USP24: variants seen among roughly 807,000 people sequenced by gnomAD.
The protein encoded by USP24 is ubiquitin specific peptidase 24, also known as ubiquitin carboxyl-terminal hydrolase 24.
A neutral mutation model predicts 361.6 loss-of-function variants in USP24; 97 were observed. The ratio of observed to expected loss-of-function variants is 0.27; its 90% CI spans 0.23 to 0.32. USP24 has a LOEUF of 0.32. USP24 is among the 10% of genes least tolerant of loss of function. The pLI, the probability that USP24 is intolerant of heterozygous loss-of-function variation, is 1.00. For synonymous variants in USP24, 1,098 were observed against 1,124.6 expected (o/e 0.98, Z 0.47); for missense variants, 2,353 against 3,165.6 (o/e 0.74, Z 6.16).
chr1:55,162,134 A>G, intron 8 of USP24, 65 bp downstream of exon 8: 2 of 1,446,158 alleles, frequency 1.4e-6, no homozygotes, highest in South Asian at 2.7e-5. Context: ...AACCTGATAA[A>G]AAGAAGTTAT....
intron 43 of USP24, among the ~76,000 whole-genome samples, chr1:55,101,211 G>A (rs562911155): frequency 6.6e-6 from 1 of 152,240 alleles, no homozygotes; most frequent in Non-Finnish European, 1.5e-5. Flanking sequence ...GGAAATAAGC[G>A]TAGCCCAGTA....
intron 28 of USP24, among the ~76,000 whole-genome samples, chr1:55,135,845 A>G (rs868187347): frequency 6.6e-6 from 1 of 152,318 alleles, no homozygotes; most frequent in African/African-American, 2.4e-5. Flanking sequence ...ATAAAAGCCT[A>G]AAAAGCAGAA....
At chr1:55,162,506 G>T (rs926315299) in intron 7 of USP24, among the ~76,000 whole-genome samples, 1 of 152,130 alleles carries the variant, frequency 6.6e-6, no homozygotes, top group South Asian at 2.1e-4. Context: ...AAACATCTTT[G>T]GAGAATTAGA....
intron 39 of USP24, among the ~76,000 whole-genome samples, chr1:55,107,649 CTGGCCAGCA>C (rs1403447238): frequency 1.3e-5 from 2 of 151,830 alleles, no homozygotes; most frequent in African/African-American, 4.8e-5. Flanking sequence ...CGAGACCAGC[CTGGCCAGCA>C]TGGTGAAACC....
Position 55,093,958 on chromosome 1 carries a change from T to C in USP24, c.6333A>G (p.Lys2111=). ...TTACCTGGTATATTCGAGCAGGCAT[T>C]TTCTCCACAAACAGTCCTTTCTTCT... The part of the protein sequence containing the change: ...KGEKKGLFVE[K]MPARIYQMVR... Residue 2111 remains lysine, a synonymous_variant, in exon 52 of 68, where the codon AAA becomes AAG. Transcript: ENST00000294383. The C allele has an allele frequency of 1.2e-6, 2 of 1,613,834 alleles. No individual in the cohort carries two copies. The highest frequency in any genetic ancestry group is 1.7e-6 in the Non-Finnish European group (2 of 1,179,858).
intron 31 of USP24, among the ~76,000 whole-genome samples, chr1:55,130,625 GGGA>G (rs1646563112): frequency 6.6e-6 from 1 of 152,106 alleles, no homozygotes; most frequent in African/African-American, 2.4e-5. Flanking sequence ...CCACCAACCT[GGGA>G]TAATGAGCAT....
At chr1:55,142,953 G>C (rs916877387) in intron 22 of USP24, 26 bp downstream of exon 22, 9 of 1,480,292 alleles carry the variant, frequency 6.1e-6, no homozygotes, top group Non-Finnish European at 7.3e-6. Flanking sequence ...TTTGTATATG[G>C]ATAACTTCTT....
chr1:55,103,191 A>G (rs1645683838), intron 42 of USP24, among the ~76,000 whole-genome samples: 1 of 152,056 alleles, frequency 6.6e-6, no homozygotes, highest in Admixed American at 6.5e-5. Flanking sequence ...TATTCTTCTC[A>G]TTACTGGAAT....
At chr1:55,141,947 A>G (rs1302004763) in intron 23 of USP24, among the ~76,000 whole-genome samples, 1 of 152,186 alleles carries the variant, frequency 6.6e-6, no homozygotes, top group Non-Finnish European at 1.5e-5. Context: ...TGACCCCCAG[A>G]GGCAAAATAA....
chr1:55,119,439 C>A (rs1038416665), intron 38 of USP24, among the ~76,000 whole-genome samples: 3 of 151,950 alleles, frequency 2.0e-5, no homozygotes, highest in Admixed American at 6.6e-5. Flanking sequence ...AGTTATTGTT[C>A]AATGAGTAGA....
intron 58 of USP24, among the ~76,000 whole-genome samples, chr1:55,082,039 C>T (rs148140211): frequency 5.9e-5 from 9 of 152,298 alleles, no homozygotes; most frequent in African/African-American, 1.7e-4. Flanking sequence ...AGTATCCACA[C>T]ACAGAGCACG....
chr1:55,149,768 TCTAC>T (rs1392158818), intron 16 of USP24, among the ~76,000 whole-genome samples: 1 of 152,214 alleles, frequency 6.6e-6, no homozygotes, highest in Non-Finnish European at 1.5e-5. Flanking sequence ...TATTTGTTCT[TCTAC>T]CTATCATTTT....
chr1:55,147,584 A>G, intron 18 of USP24, 65 bp downstream of exon 18: 1 of 1,425,534 alleles, frequency 7.0e-7, no homozygotes, highest in Non-Finnish European at 9.2e-7. Context: ...TTCTTTTTAT[A>G]GTATAAGTAT....
rs778065564 is a variant in USP24 at position 55,154,770 on chromosome 1, T to C, written c.1455A>G (p.Gln485=). 4 of 1,609,448 alleles carry C rather than the reference T, an allele frequency of 2.5e-6. No individual in the cohort carries two copies. The highest frequency in any genetic ancestry group is 2.2e-5 in the South Asian group (2 of 89,772). ...LTKIWKIQSG[Q]SSTVIENIHT... is the part of the protein sequence containing the mutation. The stretch of plus-strand genomic sequence containing the variant: ...GAATGTTCTCAATCACAGTAGATGA[T>C]TGTCCTGACTGGAAAAGGAAACATT... The change falls in exon 13 of 68, where the codon CAA becomes CAG. Residue 485 remains glutamine, a synonymous_variant. Coordinates refer to ENST00000294383, the MANE Select transcript of USP24 (RefSeq NM_015306.3).
rs776337453 is a variant in USP24 at position 55,103,886 on chromosome 1, T to C, written c.5015A>G (p.Lys1672Arg). Residue 1672 changes from lysine (K) to arginine (R), a missense_variant, in exon 42 of 68, where the codon AAG becomes AGG. Coordinates refer to ENST00000294383, the MANE Select transcript of USP24 (RefSeq NM_015306.3). Reference protein sequence around the residue: ...MHHQPDPALTKEFDYLPPVDS... With the variant: ...MHHQPDPALTREFDYLPPVDS... ...GTCTAGAAAACCTACATCAAACTCC[T>C]TGGTAAGAGCAGGGTCAGGCTGGTG... 1.9e-6 allele frequency: 3 copies of C among 1,611,366 alleles called. No individual in the cohort carries two copies. The Admixed American group carries it at 5.0e-5, about 27-fold the overall frequency.
intron 29 of USP24, 42 bp from the exon 30 acceptor site, chr1:55,134,205 T>A (rs777421881): frequency 7.5e-6 from 12 of 1,596,876 alleles, no homozygotes; most frequent in Non-Finnish European, 1.0e-5. Flanking sequence ...TAAGCCATAG[T>A]TTAATTCAAC....
At chr1:55,213,329 CTAAG>C in intron 1 of USP24, among the ~76,000 whole-genome samples, 1 of 152,252 alleles carries the variant, frequency 6.6e-6, no homozygotes, top group East Asian at 1.9e-4. Context: ...AACGATACAG[CTAAG>C]TTAGTGGGTT....
At chr1:55,196,242 C>T (rs1393112328) in intron 1 of USP24, among the ~76,000 whole-genome samples, 2 of 152,138 alleles carry the variant, frequency 1.3e-5, no homozygotes, top group African/African-American at 4.8e-5. Context: ...TGCCTTACCA[C>T]CCCAAGTCTC....
chr1:55,148,615 AGC>A (rs1647105324), intron 16 of USP24, 45 bp from the exon 17 acceptor site: 1 of 1,376,752 alleles, frequency 7.3e-7, no homozygotes, highest in Non-Finnish European at 1.0e-6. Flanking sequence ...AGAAATAAAC[AGC>A]AGATTCATTT....
Sources: gnomAD v4.1 joint callset for allele counts (sites outside exome capture counted in the v4.1 genomes callset) on GRCh38, gnomAD v4.1.1 for gene constraint, MANE v1.5 for transcripts, NCBI Gene and HGNC (gene_info 2026-07-23, HGNC 2026-07-21) for gene names.